The following PLEKHA7 variants were observed in gnomAD, a reference collection of about 807,000 sequenced individuals.
The protein encoded by PLEKHA7 is pleckstrin homology domain-containing family A member 7.
In PLEKHA7, 104 loss-of-function variants were observed where a neutral mutation model predicts 170.0. The observed-to-expected ratio is 0.61, with a 90% CI of 0.52 to 0.72. PLEKHA7 has a LOEUF of 0.72. PLEKHA7 is among the 30% of genes least tolerant of loss of function. The pLI is 0.00. For synonymous variants in PLEKHA7, 648 were observed against 660.8 expected, an observed-to-expected ratio of 0.98 and a Z score of 0.30; for missense variants, 1,615 against 1,671.7, an observed-to-expected ratio of 0.97 and a Z score of 0.59.
At chr11:16,895,963 C>G (rs1258170144) in intron 3 of PLEKHA7, among the ~76,000 whole-genome samples, 2 of 152,178 alleles carry the variant, frequency 1.3e-5, no homozygotes, top group African/African-American at 4.8e-5. Flanking sequence ...TAAAACAGCC[C>G]TAGAATACCA....
At chr11:16,812,769 T>C (rs1033684505) in intron 13 of PLEKHA7, among the ~76,000 whole-genome samples, 2 of 152,106 alleles carry the variant, frequency 1.3e-5, no homozygotes, top group African/African-American at 4.8e-5. Context: ...CCCACATTAG[T>C]GAACCAAACA....
chr11:16,926,977 A>C (rs1859597800), intron 3 of PLEKHA7, among the ~76,000 whole-genome samples: 1 of 151,516 alleles, frequency 6.6e-6, no homozygotes, highest in Non-Finnish European at 1.5e-5. Flanking sequence ...CCATACAGAA[A>C]TCCCTTCCAC....
chr11:16,785,673 G>T (rs1409323929), intron 24 of PLEKHA7, among the ~76,000 whole-genome samples: 3 of 152,132 alleles, frequency 2.0e-5, no homozygotes, highest in African/African-American at 7.2e-5. Flanking sequence ...TCCTGGGCCT[G>T]CCCTGTCATG....
Position 16,817,455 on chromosome 11 carries a change from G to T in PLEKHA7, c.1344-133C>A. The T allele has an allele frequency of 1.1e-6, 1 of 887,518 alleles. No homozygotes were observed. Among genetic ancestry groups the T allele is most frequent in the South Asian group, 2.3e-5 (1 of 42,666 alleles). 55.0% of individuals were successfully genotyped at this position (887,518 alleles called of 1,614,324 possible). On this transcript the variant is annotated intron_variant, in intron 10 of 26. Coordinates refer to ENST00000531066, the MANE Select transcript of PLEKHA7 (RefSeq NM_001329630.2). This position sits in a 1 kb window ranked among gnomAD's most constrained non-coding sequence, Gnocchi z 4.4. ...TAAGAACCTCAAAAGAATGATCAAG[G>T]CCGACATCCAGGACTTCAGTCACTT...
chr11:16,875,107 A>C (rs1364641134), intron 3 of PLEKHA7, among the ~76,000 whole-genome samples: 3 of 152,214 alleles, frequency 2.0e-5, no homozygotes, highest in Non-Finnish European at 2.9e-5. Flanking sequence ...AGTTCTTCAA[A>C]CTTTTTTCCC....
chr11:16,826,219 G>C lies in PLEKHA7; in HGVS notation c.1244C>G (p.Ala415Gly). The C allele has an allele frequency of 6.2e-7, 1 of 1,614,196 alleles. No homozygotes were observed. Among genetic ancestry groups the C allele is most frequent in the Non-Finnish European group, 8.5e-7 (1 of 1,180,030 alleles). The stretch of plus-strand genomic sequence containing the variant: ...TTCAGGGTTGGTCCTGGGAGGAAAG[G>C]CCCGCTGGTACCCACCAGTCCCATT... ...EQNGTGGYQR[A>G]FPPRTNPEKH... The change falls in exon 10 of 27, where the codon GCC becomes GGC. Residue 415 changes from alanine (A) to glycine (G), a missense_variant. Coordinates refer to ENST00000531066, the MANE Select transcript of PLEKHA7 (RefSeq NM_001329630.2).
rs1485943087 is a variant in PLEKHA7, at chr11:16,892,646, T to C, written c.222-21464A>G. 6.9e-5 allele frequency among the ~76,000 whole-genome samples: 10 copies of C among 144,890 alleles called. No homozygotes were observed. The South Asian group carries it at 2.2e-3, about 32-fold the overall frequency. ...TTTTTTTTTTTTTTTTTTTTTCGTATTTTTAGTAGAGACAGGATTTCACCA... is the reference window on the plus strand; with the variant it reads ...TTTTTTTTTTTTTTTTTTTTTCGTACTTTTAGTAGAGACAGGATTTCACCA... On this transcript the variant is annotated intron_variant, in intron 3 of 26. Coordinates refer to ENST00000531066, the MANE Select transcript of PLEKHA7 (RefSeq NM_001329630.2).
chr11:16,811,414 G>T (rs1457441796), intron 13 of PLEKHA7, among the ~76,000 whole-genome samples: 4 of 152,192 alleles, frequency 2.6e-5, no homozygotes, highest in African/African-American at 4.8e-5. Flanking sequence ...GGGGTGACAA[G>T]AACTATGCAG....
In PLEKHA7 at chr11:16,910,628, G is replaced by A. The variant is rs563692003; in HGVS notation, c.222-39446C>T. On this transcript the variant is annotated intron_variant, in intron 3 of 26. Transcript: ENST00000531066. ...CAATTTTGCCCCCCAGGGGACATTT[G>A]ATAATGCCTGGAGAGATTTTTGGTT... Among the ~76,000 whole-genome samples, 4 of 152,286 alleles carry A rather than the reference G, an allele frequency of 2.6e-5. No individual in the cohort carries two copies. In the South Asian group the frequency reaches 8.3e-4, roughly 32 times the overall value.
chr11:16,901,555 A>T (rs1857337708), intron 3 of PLEKHA7, among the ~76,000 whole-genome samples: 1 of 152,170 alleles, frequency 6.6e-6, no homozygotes, highest in South Asian at 2.1e-4. Flanking sequence ...TAGAATTCAC[A>T]TGTCAAACAA....
chr11:16,907,287 C>T (rs1336852780), intron 3 of PLEKHA7, among the ~76,000 whole-genome samples: 5 of 144,714 alleles, frequency 3.5e-5, no homozygotes, highest in Admixed American at 6.8e-5. Context: ...CCCGGCCAGC[C>T]GCCCCATCCG....
chr11:16,779,378 T>A (rs1233437660), intron 26 of PLEKHA7, among the ~76,000 whole-genome samples: 1 of 152,210 alleles, frequency 6.6e-6, no homozygotes, highest in Non-Finnish European at 1.5e-5. Context: ...ATGGTGGTCA[T>A]ACCCACTTCT....
At chr11:16,806,742 G>A (rs141023178) in intron 13 of PLEKHA7, among the ~76,000 whole-genome samples, 81 of 152,292 alleles carry the variant, frequency 5.3e-4, no homozygotes, top group African/African-American at 1.9e-3. Context: ...CTTAATCTCA[G>A]GGCCACCGTG....
rs1478069260 is a variant in PLEKHA7, at chr11:16,778,985, T to C, written c.*13A>G. 2 of 702,630 alleles carry C rather than the reference T, an allele frequency of 2.8e-6. No homozygotes were observed. The allele number at this position is 702,630 out of a possible 1,614,324, so 43.5% of individuals were successfully genotyped here. A position where few individuals can be genotyped will look rare whatever the true frequency, so the allele number is the denominator to read the frequency against. Reference sequence around the variant, plus strand: ...CACTGGGCCCCTGGCTCCAGGCTTCTTTGCATGCTGGGTCACGGGTCAGTC... The same window carrying C: ...CACTGGGCCCCTGGCTCCAGGCTTCCTTGCATGCTGGGTCACGGGTCAGTC... On this transcript the variant is annotated 3_prime_UTR_variant, in exon 27 of 27. Transcript: ENST00000531066.
intron 5 of PLEKHA7, 102 bp from the exon 6 acceptor site, chr11:16,855,095 A>G: frequency 1.1e-6 from 1 of 882,050 alleles, no homozygotes; most frequent in Non-Finnish European, 1.9e-6. Flanking sequence ...CCTCACTCTA[A>G]ATGGCAGCAC....
chr11:16,878,733 A>G (rs1855494379), intron 3 of PLEKHA7, among the ~76,000 whole-genome samples: 1 of 152,186 alleles, frequency 6.6e-6, no homozygotes, highest in African/African-American at 2.4e-5. Flanking sequence ...AAGAGCTGGG[A>G]TTACAGGCAT....
At chr11:16,853,802 C>T (rs927597283) in intron 6 of PLEKHA7, among the ~76,000 whole-genome samples, 2 of 152,140 alleles carry the variant, frequency 1.3e-5, no homozygotes, top group Non-Finnish European at 2.9e-5. Context: ...GAGTGTCCAA[C>T]AGAAGAGGCC....
At chr11:17,007,400 G>A (rs557294704) in intron 3 of PLEKHA7, among the ~76,000 whole-genome samples, 12 of 151,988 alleles carry the variant, frequency 7.9e-5, no homozygotes, top group African/African-American at 1.2e-4. Context: ...TTGGCTCACC[G>A]CAACCTTCAC....
chr11:16,889,414 A>AT lies in PLEKHA7; in HGVS notation c.222-18233_222-18232insA, dbSNP rs1489389191. Among the ~76,000 whole-genome samples, 354 of 114,732 alleles carry AT rather than the reference A, an allele frequency of 3.1e-3. 2 individuals are homozygous for AT. Among genetic ancestry groups the AT allele is most frequent in the African/African-American group, 0.011 (291 of 26,038 alleles). 75.3% of individuals were successfully genotyped at this position (114,732 alleles called of 152,430 possible). On this transcript the variant is annotated intron_variant, in intron 3 of 26. Coordinates refer to ENST00000531066, the MANE Select transcript of PLEKHA7 (RefSeq NM_001329630.2). ...GCTTTATTGCTCAAAAAAAAAAAAA[A>AT]AAAAAAATATATATATATATATATA...
Sources: gnomAD v4.1 joint callset for allele counts (sites outside exome capture counted in the v4.1 genomes callset) on GRCh38, gnomAD v4.1.1 for gene constraint, Gnocchi (gnomAD v3.1) non-coding constraint, MANE v1.5 for transcripts, NCBI Gene and HGNC (gene_info 2026-07-23, HGNC 2026-07-21) for gene names.